Variants in RPGRIP1L observed in about 807,000 individuals in gnomAD.
The protein encoded by RPGRIP1L is RPGRIP1 like.
RPGRIP1L carries 131 observed loss-of-function variants against 160.4 expected under a neutral mutation model. The observed-to-expected ratio is 0.82, with a 90% CI of 0.71 to 0.94. The LOEUF is 0.94. Among genes scored for constraint, RPGRIP1L ranks in the 40% least tolerant of loss-of-function variants. The pLI, the probability that RPGRIP1L is intolerant of heterozygous loss-of-function variation, is 0.00. For synonymous variants in RPGRIP1L, 510 were observed against 515.8 expected (o/e 0.99, Z 0.15); for missense variants, 1,522 against 1,535.8 (o/e 0.99, Z 0.15).
At chr16:53,682,680 T>A (rs1474214230) in intron 6 of RPGRIP1L, among the ~76,000 whole-genome samples, 3 of 152,200 alleles carry the variant, frequency 2.0e-5, no homozygotes, top group Non-Finnish European at 4.4e-5. Flanking sequence ...TGAATTTTTA[T>A]ATTCAGACAA....
At chr16:53,676,755 C>T (rs758774806) in intron 6 of RPGRIP1L, among the ~76,000 whole-genome samples, 1 of 152,044 alleles carries the variant, frequency 6.6e-6, no homozygotes, top group Non-Finnish European at 1.5e-5. Context: ...GCCTCAGCTT[C>T]CTGAGTAGCA....
rs1965937231 is a variant in RPGRIP1L at position 53,637,825 on chromosome 16, T to C, written c.3090A>G (p.Val1030=). Residue 1030 remains valine, a synonymous_variant, in exon 21 of 27, where the codon GTA becomes GTG. Coordinates refer to ENST00000647211, the MANE Select transcript of RPGRIP1L (RefSeq NM_015272.5). ...GCTGCATTTTCTCAGTATTCTCTTT[T>C]ACCTCATCTACACTGCCTTCTTGTG... The part of the protein sequence containing the change: ...KVSQEGSVDE[V]KENTEKMQQG... 6.2e-7 allele frequency: 1 copy of C among 1,601,814 alleles called. No individual in the cohort carries two copies. The highest frequency in any genetic ancestry group is 8.5e-7 in the Non-Finnish European group (1 of 1,174,534).
intron 6 of RPGRIP1L, 75 bp from the exon 7 acceptor site, chr16:53,675,197 A>G: frequency 1.1e-6 from 1 of 904,122 alleles, no homozygotes; most frequent in Non-Finnish European, 1.8e-6. Context: ...TGGTGGAATC[A>G]CAATTTTTCA....
rs376424742 is a variant in RPGRIP1L, at chr16:53,641,254, T to A, written c.2874+31A>T. 3 of 1,602,612 alleles carry A rather than the reference T, an allele frequency of 1.9e-6. No homozygotes were observed. The highest frequency in any genetic ancestry group is 2.6e-6 in the Non-Finnish European group (3 of 1,171,306). On this transcript the variant is annotated intron_variant, in intron 18 of 26. Transcript: ENST00000647211. ...AGCTTTATATTCAAAATTTTATACT[T>A]GTAAAAAAATTAAAAGTCACTGATA...
At chr16:53,690,755 G>A (rs569186257) in intron 4 of RPGRIP1L, among the ~76,000 whole-genome samples, 2 of 152,204 alleles carry the variant, frequency 1.3e-5, no homozygotes, top group South Asian at 4.2e-4. Context: ...ATTATTGTGG[G>A]AGCCACCATC....
At chr16:53,689,199 G>C (rs1476902531) in intron 4 of RPGRIP1L, among the ~76,000 whole-genome samples, 1 of 151,844 alleles carries the variant, frequency 6.6e-6, no homozygotes, top group Non-Finnish European at 1.5e-5. Flanking sequence ...GATCCAATCA[G>C]GGTATTTAGG....
At chr16:53,677,299 A>C (rs1405406681) in intron 6 of RPGRIP1L, among the ~76,000 whole-genome samples, 1 of 152,204 alleles carries the variant, frequency 6.6e-6, no homozygotes, top group African/African-American at 2.4e-5. Flanking sequence ...TTAAGTAACA[A>C]CGTGGTATAA....
rs190776027 is a variant in RPGRIP1L, at chr16:53,691,976, T to C, written c.529+90A>G. On this transcript the variant is annotated intron_variant, in intron 4 of 26. Transcript: ENST00000647211. The stretch of plus-strand genomic sequence containing the variant: ...CTCTTCCTAAAGACACTTAAAAGCA[T>C]GCGTAATACAGAAGTAAAACTTTGT... The C allele has an allele frequency of 1.3e-4, 150 of 1,187,462 alleles. 3 individuals carry two copies. In the East Asian group the frequency reaches 3.3e-3, roughly 26 times the overall value. The allele number at this position is 1,187,462 out of a possible 1,614,324, so 73.6% of individuals were successfully genotyped here.
chr16:53,619,439 TCTC>T (rs1964578504), intron 23 of RPGRIP1L, among the ~76,000 whole-genome samples: 1 of 152,198 alleles, frequency 6.6e-6, no homozygotes, highest in Non-Finnish European at 1.5e-5. Context: ...ATGGCAATAG[TCTC>T]CTGATTTACA....
chr16:53,685,409 T>C (rs1266182679), intron 6 of RPGRIP1L, among the ~76,000 whole-genome samples: 1 of 152,212 alleles, frequency 6.6e-6, no homozygotes, highest in African/African-American at 2.4e-5. Flanking sequence ...TGCACACGTA[T>C]GTTCATTGAG....
Position 53,645,881 on chromosome 16 carries a change from C to G in RPGRIP1L, c.2427G>C (p.Leu809=), listed in dbSNP as rs1966511196. ...TGTACACAACATATGGGTGTGGCTG[C>G]AGGTGGCTTGCTCGGGACTGCAGGT... ...CNHLQSRASH[L]QPHPYVVYKF... Residue 809 remains leucine (L), a synonymous_variant, in exon 17 of 27, where the codon CTG becomes CTC. Coordinates refer to ENST00000647211, the MANE Select transcript of RPGRIP1L (RefSeq NM_015272.5). The G allele has an allele frequency of 1.2e-6, 2 of 1,614,008 alleles. No homozygotes were observed. The highest frequency in any genetic ancestry group is 1.7e-6 in the Non-Finnish European group (2 of 1,180,026).
chr16:53,697,935 G>C (rs942361143), intron 2 of RPGRIP1L, among the ~76,000 whole-genome samples: 2 of 151,440 alleles, frequency 1.3e-5, no homozygotes, highest in Non-Finnish European at 2.9e-5. Flanking sequence ...CTTCCCGGCC[G>C]CCATCCCATC....
intron 2 of RPGRIP1L, among the ~76,000 whole-genome samples, chr16:53,696,808 A>T (rs752646387): frequency 9.2e-5 from 14 of 152,232 alleles, no homozygotes; most frequent in East Asian, 1.9e-4. Context: ...AGCTTCACAA[A>T]TAATTTCTCT....
chr16:53,618,490 C>T (rs1248440715), intron 24 of RPGRIP1L, among the ~76,000 whole-genome samples: 2 of 152,192 alleles, frequency 1.3e-5, no homozygotes, highest in Non-Finnish European at 2.9e-5. Context: ...GCAGGACCAT[C>T]TTAGAAATAT....
intron 3 of RPGRIP1L, 81 bp from the exon 4 acceptor site, chr16:53,692,445 T>C: frequency 7.7e-7 from 1 of 1,305,158 alleles, no homozygotes; most frequent in South Asian, 1.2e-5. Flanking sequence ...ATAATCACTG[T>C]GAAGACTTCA....
chr16:53,651,356 A>G (rs548815053), intron 15 of RPGRIP1L, among the ~76,000 whole-genome samples: 18 of 152,162 alleles, frequency 1.2e-4, no homozygotes, highest in Non-Finnish European at 2.5e-4. Context: ...TCCTTGATCA[A>G]TACAATAGCC....
chr16:53,692,009 TTG>T, intron 4 of RPGRIP1L, 55 bp downstream of exon 4: 2 of 1,538,294 alleles, frequency 1.3e-6, no homozygotes, highest in East Asian at 2.2e-5. Context: ...TGTGTTTTTT[TTG>T]TGTTAAACAA....
intron 22 of RPGRIP1L, among the ~76,000 whole-genome samples, chr16:53,634,413 A>T (rs1402786584): frequency 1.3e-5 from 2 of 152,174 alleles, no homozygotes; most frequent in Non-Finnish European, 2.9e-5. Flanking sequence ...TAAATTTGGT[A>T]TATAATTTAC....
At chr16:53,616,261 T>A (rs192609350) in intron 24 of RPGRIP1L, among the ~76,000 whole-genome samples, 1 of 152,342 alleles carries the variant, frequency 6.6e-6, no homozygotes, top group East Asian at 1.9e-4. Flanking sequence ...CTGTATCAGG[T>A]AACGAGTGAA....
Sources: gnomAD v4.1 joint callset for allele counts (sites outside exome capture counted in the v4.1 genomes callset) on GRCh38, gnomAD v4.1.1 for gene constraint, MANE v1.5 for transcripts, NCBI Gene and HGNC (gene_info 2026-07-23, HGNC 2026-07-21) for gene names.